Variants in CYP4F11 observed in about 807,000 individuals in gnomAD.
The protein encoded by CYP4F11 is cytochrome P450 4F11.
CYP4F11 carries 79 observed loss-of-function variants against 62.2 expected under a neutral mutation model. The ratio of observed to expected loss-of-function variants is 1.27; its 90% CI spans 1.06 to 1.53. The LOEUF (loss-of-function observed/expected upper bound fraction) is 1.53, where lower values mean the gene tolerates loss of function less well. CYP4F11 is among the 40% of genes most tolerant of loss of function. The pLI is 0.00. For synonymous variants in CYP4F11, 290 were observed against 263.7 expected (o/e 1.10, Z -0.97); for missense variants, 777 against 680.5 (o/e 1.14, Z -1.58).
intron 11 of CYP4F11, 71 bp downstream of exon 11, chr19:15,914,234 C>T: frequency 6.6e-7 from 1 of 1,523,638 alleles, no homozygotes; most frequent in Non-Finnish European, 9.0e-7. Flanking sequence ...CTGGGACCAT[C>T]TGTAACTTCC....
At chr19:15,923,678 C>CCTATCTCTGACCTGTCTTTTT (rs1393824732) in intron 6 of CYP4F11, 134 bp downstream of exon 6, 260 of 1,265,642 alleles carry the variant, frequency 2.1e-4, no homozygotes, top group Non-Finnish European at 2.7e-4. Flanking sequence ...ATCTCTCAAA[C>CCTATCTCTGACCTGTCTTTTT]CTATCTCTGA....
intron 3 of CYP4F11, 27 bp from the exon 4 acceptor site, chr19:15,927,366 C>G (rs2089678352): frequency 6.2e-7 from 1 of 1,613,926 alleles, no homozygotes; most frequent in African/African-American, 1.3e-5. Context: ...GGACAGTGGT[C>G]AAGGGCAGCA....
rs1328430921 is a variant in CYP4F11 at position 15,923,978 on chromosome 19, G to A, written c.752C>T (p.Pro251Leu). 1.2e-6 allele frequency: 2 copies of A among 1,614,228 alleles called. No individual in the cohort carries two copies. The highest frequency in any genetic ancestry group is 1.7e-6 in the Non-Finnish European group (2 of 1,180,044). The stretch of plus-strand genomic sequence containing the variant: ...GGCCCTGCGGAAGCGCTGCCCATCA[G>A]GAGTGAGATAATACAGGAAGTCCGT... Reference protein sequence around the residue: ...LHTDFLYYLTPDGQRFRRACH... With the variant: ...LHTDFLYYLTLDGQRFRRACH... The change falls in exon 6 of 12, where the codon CCT becomes CTT. Residue 251 changes from proline (P) to leucine (L), a missense_variant. Pro to Leu is a moderately conservative substitution (Grantham distance 98, BLOSUM62 -3). Transcript: ENST00000402119.
At chr19:15,930,155 C>T (rs2089700653) in intron 1 of CYP4F11, among the ~76,000 whole-genome samples, 1 of 152,272 alleles carries the variant, frequency 6.6e-6, no homozygotes, top group South Asian at 2.1e-4. Flanking sequence ...AATGCACCTC[C>T]CCACCAGGAG....
intron 2 of CYP4F11, among the ~76,000 whole-genome samples, chr19:15,928,290 A>G (rs2089685275): frequency 6.6e-6 from 1 of 152,222 alleles, no homozygotes; most frequent in African/African-American, 2.4e-5. Context: ...TGACTTCTGT[A>G]TATGATCCCA....
At chr19:15,914,697 G>C (rs1182699503) in intron 9 of CYP4F11, 31 bp from the exon 10 acceptor site, 1 of 1,614,082 alleles carries the variant, frequency 6.2e-7, no homozygotes, top group Admixed American at 1.7e-5. Flanking sequence ...GTCAGGACAA[G>C]GCCCCCCTGC....
chr19:15,931,596 GTGAGTGAGGAGAGGAA>G (rs1261343073), intron 1 of CYP4F11, among the ~76,000 whole-genome samples: 4 of 119,806 alleles, frequency 3.3e-5, no homozygotes, highest in East Asian at 5.0e-4. Context: ...AGAGGAATGA[GTGAGTGAGGAGAGGAA>G]TGAGTGAGCG....
intron 4 of CYP4F11, 130 bp downstream of exon 4, chr19:15,927,082 C>T: frequency 9.3e-7 from 1 of 1,075,658 alleles, no homozygotes; most frequent in Non-Finnish European, 1.3e-6. Flanking sequence ...TCCCATTTTA[C>T]AGATAGGGAA....
chr19:15,914,769 G>GA lies in CYP4F11; in HGVS notation c.1241dup (p.Lys416GlnfsTer23). ...CCCTGAGGCTGTGAGCACCTTTGGG[G>GA]ATGACGCGGCCGTCTGGGAGCACAA... On this transcript the variant is annotated frameshift_variant, in exon 9 of 12. Transcript: ENST00000402119. LOFTEE classifies it high-confidence loss of function. The GA allele has an allele frequency of 6.8e-6, 11 of 1,614,190 alleles. No individual in the cohort carries two copies. Among genetic ancestry groups the GA allele is most frequent in the Non-Finnish European group, 5.1e-6 (6 of 1,180,028 alleles).
intron 2 of CYP4F11, chr19:15,927,814 C>A (rs1369576989): frequency 6.7e-6 from 2 of 299,426 alleles, no homozygotes; most frequent in East Asian, 1.2e-4. Context: ...CTACTCCCAG[C>A]ACTCTCTGCT....
At chr19:15,923,420 A>T (rs1468716102) in intron 6 of CYP4F11, among the ~76,000 whole-genome samples, 2 of 152,064 alleles carry the variant, frequency 1.3e-5, no homozygotes, top group Admixed American at 1.3e-4. Flanking sequence ...ACATTGCATT[A>T]CCCTAGAAGG....
intron 4 of CYP4F11, among the ~76,000 whole-genome samples, chr19:15,925,758 A>C (rs986584426): frequency 1.6e-4 from 24 of 148,788 alleles, no homozygotes; most frequent in Admixed American, 1.0e-3. Flanking sequence ...ACACACACAC[A>C]CCCTGTAGTT....
chr19:15,929,034 C>T (rs2089690527), intron 2 of CYP4F11, among the ~76,000 whole-genome samples: 1 of 152,176 alleles, frequency 6.6e-6, no homozygotes, highest in Admixed American at 6.5e-5. Flanking sequence ...AATCTTTTTA[C>T]TCATTTTTCC....
chr19:15,924,043 A>C lies in CYP4F11; in HGVS notation c.687T>G (p.Ser229Arg). Residue 229 changes from serine to arginine, a missense_variant, in exon 6 of 12, where the codon AGT becomes AGG. Coordinates refer to ENST00000402119, the MANE Select transcript of CYP4F11 (RefSeq NM_021187.4). ...SEYIAAILEL[S>R]AFVEKRNQQI... ...GCTGGTTTCTCTTTTCTACAAAGGC[A>C]CTGAGCTCCAAGATGGCGGCAATAT... The C allele has an allele frequency of 6.2e-7, 1 of 1,614,190 alleles. No individual in the cohort carries two copies. The highest frequency in any genetic ancestry group is 8.5e-7 in the Non-Finnish European group (1 of 1,180,012).
chr19:15,918,189 G>A (rs1402803433), intron 8 of CYP4F11, among the ~76,000 whole-genome samples: 1 of 152,130 alleles, frequency 6.6e-6, no homozygotes, highest in African/African-American at 2.4e-5. Context: ...TGCAGGAACA[G>A]AAAACCAAAC....
intron 10 of CYP4F11, 66 bp from the exon 11 acceptor site, chr19:15,914,453 C>G: frequency 6.4e-7 from 1 of 1,569,224 alleles, no homozygotes; most frequent in South Asian, 1.1e-5. Context: ...TCCCAGTTGT[C>G]TCCAAGACCC....
chr19:15,929,714 TA>T lies in CYP4F11; in HGVS notation c.199-114del. 2 of 1,208,832 alleles carry T rather than the reference TA, an allele frequency of 1.7e-6. 1 individual carries two copies. Among genetic ancestry groups the T allele is most frequent in the South Asian group, 3.0e-5 (2 of 66,740 alleles). The allele number at this position is 1,208,832 out of a possible 1,614,324, so 74.9% of individuals were successfully genotyped here. A position where few individuals can be genotyped will look rare whatever the true frequency, so the allele number is the denominator to read the frequency against. ...GAGATGCCCAGATAAAACATGCTGG[TA>T]AAACATTATTTCTGGATGTGTCCAT... On this transcript the variant is annotated intron_variant, in intron 1 of 11. Coordinates refer to ENST00000402119, the MANE Select transcript of CYP4F11 (RefSeq NM_021187.4).
Position 15,927,318 on chromosome 19 carries a change from C to G in CYP4F11, c.419G>C (p.Gly140Ala), listed in dbSNP as rs764337921. The G allele has an allele frequency of 2.5e-6, 4 of 1,614,022 alleles. No homozygotes were observed. The highest frequency in any genetic ancestry group is 3.4e-6 in the Non-Finnish European group (4 of 1,180,014). The part of the protein sequence containing the change: ...PWLGDGLLLS[G>A]GDKWSRHRRM... ...ACGGTGGCGGCTCCACTTGTCACCA[C>G]CACTCAGCAGGAGCCCATCCCCTGG... Residue 140 changes from glycine (G) to alanine (A), a missense_variant, in exon 4 of 12, where the codon GGT (glycine) becomes GCT (alanine). Coordinates refer to ENST00000402119, the MANE Select transcript of CYP4F11 (RefSeq NM_021187.4).
rs774277637 is a variant in CYP4F11 at position 15,934,434 on chromosome 19, T to G, written c.-26A>C. The stretch of plus-strand genomic sequence containing the variant: ...CCTGCAGGGCAGACGGGATGGAGGG[T>G]GGGATCCTGAGGCCCAGGGAAGGGC... On this transcript the variant is annotated 5_prime_UTR_variant, in exon 1 of 12. Transcript: ENST00000402119. 1 of 1,608,860 alleles carries G rather than the reference T, an allele frequency of 6.2e-7. No homozygotes were observed. The highest frequency in any genetic ancestry group is 2.2e-5 in the East Asian group (1 of 44,824).
Sources: gnomAD v4.1 joint callset for allele counts (sites outside exome capture counted in the v4.1 genomes callset) on GRCh38, gnomAD v4.1.1 for gene constraint, MANE v1.5 for transcripts, NCBI Gene and HGNC (gene_info 2026-07-23, HGNC 2026-07-21) for gene names.